The following DLST variants were observed in gnomAD, a reference collection of about 807,000 sequenced individuals.
The protein encoded by DLST is dihydrolipoyllysine-residue succinyltransferase component of 2-oxoglutarate dehydrogenase complex, mitochondrial.
In DLST, 17 loss-of-function variants were observed where a neutral mutation model predicts 53.1. The ratio of observed to expected loss-of-function variants is 0.32; its 90% confidence interval spans 0.22 to 0.48. DLST has a LOEUF of 0.48. Among genes scored for constraint, DLST ranks in the 20% least tolerant of loss-of-function variants. The pLI is 0.99. For synonymous variants in DLST, 206 were observed against 204.8 expected (o/e 1.01, Z -0.05); for missense variants, 512 against 583.9 (o/e 0.88, Z 1.27).
chr14:74,902,114 C>A, intron 14 of DLST, 82 bp from the exon 15 acceptor site: 1 of 1,397,318 alleles, frequency 7.2e-7, no homozygotes, highest in South Asian at 1.7e-5. Flanking sequence ...TAGGAACTTT[C>A]TTATGGGCTG....
chr14:74,885,178 T>A (rs1883660017), intron 2 of DLST, among the ~76,000 whole-genome samples: 1 of 152,322 alleles, frequency 6.6e-6, no homozygotes, highest in African/African-American at 2.4e-5. Context: ...CAAATTGGGT[T>A]ATGTATAGTC....
intron 7 of DLST, chr14:74,891,872 G>C (rs1883920176): frequency 1.7e-5 from 17 of 985,286 alleles, no homozygotes; most frequent in Non-Finnish European, 1.8e-5. Context: ...CAGAAGCTCA[G>C]AGTAGAAAAC....
intron 3 of DLST, among the ~76,000 whole-genome samples, chr14:74,886,314 T>A (rs779965258): frequency 6.6e-6 from 1 of 152,186 alleles, no homozygotes; most frequent in Non-Finnish European, 1.5e-5. Flanking sequence ...TTACTCTACA[T>A]CACAATGAGG....
chr14:74,895,912 A>G (rs1884064661), intron 10 of DLST, among the ~76,000 whole-genome samples: 1 of 152,166 alleles, frequency 6.6e-6, no homozygotes, highest in Admixed American at 6.5e-5. Flanking sequence ...AAAATTATGT[A>G]TGGTGGCATG....
chr14:74,887,773 A>G (rs1486102589), intron 3 of DLST, among the ~76,000 whole-genome samples: 1 of 152,228 alleles, frequency 6.6e-6, no homozygotes, highest in African/African-American at 2.4e-5. Context: ...CATGTACTTT[A>G]CAAGGTTACA....
Position 74,881,936 on chromosome 14 carries a change from C to A in DLST, c.-18C>A. 6.5e-7 allele frequency: 1 copy of A among 1,535,744 alleles called. No individual in the cohort carries two copies. Among genetic ancestry groups the A allele is most frequent in the Non-Finnish European group, 8.7e-7 (1 of 1,147,588 alleles). On this transcript the variant is annotated 5_prime_UTR_variant, in exon 1 of 15. Transcript: ENST00000334220. Reference sequence around the variant, plus strand: ...GCCCTATATCCGGTGTCCGCCCGCCCTCGGCTCCTCCGCCGTGATGCTGTC... The same window carrying A: ...GCCCTATATCCGGTGTCCGCCCGCCATCGGCTCCTCCGCCGTGATGCTGTC...
chr14:74,893,443 C>CT lies in DLST; in HGVS notation c.672+22dup. 1.2e-6 allele frequency: 2 copies of CT among 1,614,094 alleles called. No homozygotes were observed. The highest frequency in any genetic ancestry group is 3.3e-4 in the Middle Eastern group (2 of 6,062). On this transcript the variant is annotated intron_variant, in intron 9 of 14. Transcript: ENST00000334220. The stretch of plus-strand genomic sequence containing the variant: ...ACATCGGGTAAGCCTCTGAGGACCA[C>CT]TTTCAGGAAAGAGGCAGGGGGCAGT...
chr14:74,887,314 C>T (rs1246591785), intron 3 of DLST, among the ~76,000 whole-genome samples: 1 of 152,102 alleles, frequency 6.6e-6, no homozygotes, highest in African/African-American at 2.4e-5. Context: ...CTGTAGTGAA[C>T]ATCTAGTTAT....
At chr14:74,898,040 T>C (rs1156318036) in intron 10 of DLST, among the ~76,000 whole-genome samples, 1 of 151,978 alleles carries the variant, frequency 6.6e-6, no homozygotes, top group Non-Finnish European at 1.5e-5. Flanking sequence ...GATGGATAGC[T>C]CAGTTATTCA....
chr14:74,893,981 G>A (rs1313828793), intron 9 of DLST, among the ~76,000 whole-genome samples: 1 of 152,312 alleles, frequency 6.6e-6, no homozygotes, highest in East Asian at 1.9e-4. Flanking sequence ...TCAACAGAAA[G>A]TGCCCTTTTT....
At chr14:74,895,070 T>C (rs1273009646) in intron 10 of DLST, among the ~76,000 whole-genome samples, 1 of 151,894 alleles carries the variant, frequency 6.6e-6, no homozygotes, top group Admixed American at 6.6e-5. Flanking sequence ...CTACAAAAAA[T>C]ACAAAAATTA....
At chr14:74,883,836 C>G (rs1883615442) in intron 2 of DLST, among the ~76,000 whole-genome samples, 1 of 152,212 alleles carries the variant, frequency 6.6e-6, no homozygotes, top group Admixed American at 6.5e-5. Flanking sequence ...ATGGACTCAA[C>G]AGATCATTTA....
At chr14:74,885,705 G>A in intron 3 of DLST, 71 bp downstream of exon 3, 1 of 1,455,366 alleles carries the variant, frequency 6.9e-7, no homozygotes. Flanking sequence ...TTCTAAATTT[G>A]ACCATCTGAT....
At chr14:74,884,863 A>G (rs765726230) in intron 2 of DLST, among the ~76,000 whole-genome samples, 1 of 152,168 alleles carries the variant, frequency 6.6e-6, no homozygotes, top group Non-Finnish European at 1.5e-5. Context: ...GAAAAAAGAC[A>G]TAAGAAAGAA....
In DLST at chr14:74,901,050, T is replaced by A. The variant is rs760810314; in HGVS notation, c.1060-16T>A. 6.2e-7 allele frequency: 1 copy of A among 1,612,382 alleles called. No homozygotes were observed. The highest frequency in any genetic ancestry group is 8.5e-7 in the Non-Finnish European group (1 of 1,179,118). On this transcript the variant is annotated splice_polypyrimidine_tract_variant and intron_variant, in intron 13 of 14. Coordinates refer to ENST00000334220, the MANE Select transcript of DLST (RefSeq NM_001933.5). ...CTGGGTTGGCTTGATATTTCAATTA[T>A]GAAATCTGTTTTTAGGCCCGAAAGA...
In DLST at chr14:74,881,961, C is replaced by A. The variant is rs559601136; in HGVS notation, c.8C>A (p.Ser3Tyr). The A allele has an allele frequency of 3.8e-6, 6 of 1,566,380 alleles. No individual in the cohort carries two copies. Among genetic ancestry groups the A allele is most frequent in the Non-Finnish European group, 4.3e-6 (5 of 1,163,806 alleles). ML[S>Y]RSRCVSRAFS... Reference sequence around the variant, plus strand: ...CTCGGCTCCTCCGCCGTGATGCTGTCCCGATCCCGCTGTGTGTCTCGGGCG... The same window carrying A: ...CTCGGCTCCTCCGCCGTGATGCTGTACCGATCCCGCTGTGTGTCTCGGGCG... The change falls in exon 1 of 15, where the codon TCC becomes TAC. Residue 3 changes from serine (S) to tyrosine (Y), a missense_variant. Physicochemically the swap from Ser to Tyr is moderately radical, Grantham distance 144. Transcript: ENST00000334220.
intron 3 of DLST, among the ~76,000 whole-genome samples, chr14:74,888,716 C>CA (rs942756549): frequency 3.3e-5 from 5 of 152,036 alleles, no homozygotes; most frequent in African/African-American, 1.2e-4. Flanking sequence ...TCTTAAAAAA[C>CA]AAAAAACCAA....
intron 4 of DLST, 52 bp from the exon 5 acceptor site, chr14:74,889,220 ATAT>A: frequency 6.2e-7 from 1 of 1,607,174 alleles, no homozygotes; most frequent in Non-Finnish European, 8.5e-7. Flanking sequence ...TTAAAGAAAA[ATAT>A]TAAAAAGGAA....
intron 10 of DLST, among the ~76,000 whole-genome samples, chr14:74,894,883 T>G (rs1009976586): frequency 6.6e-6 from 1 of 152,018 alleles, no homozygotes; most frequent in Non-Finnish European, 1.5e-5. Context: ...AGCCGCTGGC[T>G]TCTTCTCTAA....
Sources: gnomAD v4.1 joint callset for allele counts (sites outside exome capture counted in the v4.1 genomes callset) on GRCh38, gnomAD v4.1.1 for gene constraint, MANE v1.5 for transcripts, NCBI Gene and HGNC (gene_info 2026-07-23, HGNC 2026-07-21) for gene names.